The following NAALADL2 variants were observed in gnomAD, a reference collection of about 807,000 sequenced individuals.
NAALADL2 encodes the protein N-acetylated alpha-linked acidic dipeptidase like 2, also known as inactive N-acetylated-alpha-linked acidic dipeptidase-like protein 2.
NAALADL2 carries 76 observed loss-of-function variants against 87.2 expected under a neutral mutation model. The observed-to-expected ratio is 0.87, with a 90% CI of 0.72 to 1.05. The LOEUF (loss-of-function observed/expected upper bound fraction) is 1.05. NAALADL2 is among the 50% of genes least tolerant of loss of function. The pLI is 0.00. For synonymous variants in NAALADL2, 354 were observed against 331.0 expected (o/e 1.07, Z -0.75); for missense variants, 1,089 against 945.8 (o/e 1.15, Z -1.99).
At position 174,632,920 on chromosome 3, in the gene NAALADL2, C is replaced by A. The variant is rs192872149; in HGVS notation, c.-115+82283C>A. Among the ~76,000 whole-genome samples the A allele has an allele frequency of 9.1e-3, 893 of 98,044 alleles. 12 individuals are homozygous for A. The highest frequency in any genetic ancestry group is 0.035 in the African/African-American group (845 of 24,030). The allele number at this position is 98,044 out of a possible 152,430, so 64.3% of individuals were successfully genotyped here. On this transcript the variant is annotated intron_variant, in intron 2 of 3. Transcript: ENST00000434257. ...AGTGCACTCCAGCCTGGAGACAGAG[C>A]AAGACTCTGTCTCAAAAAAAAAAAA...
intron 11 of NAALADL2, among the ~76,000 whole-genome samples, chr3:175,667,249 G>GAA (rs1177307910): frequency 2.9e-5 from 4 of 136,496 alleles, no homozygotes; most frequent in Non-Finnish European, 4.6e-5. Context: ...GAAAAAGAAA[G>GAA]AAAGAAAGAA....
chr3:175,236,390 A>G (rs181421594), intron 3 of NAALADL2, among the ~76,000 whole-genome samples: 27 of 152,068 alleles, frequency 1.8e-4, no homozygotes, highest in Admixed American at 6.5e-4. Context: ...TACTAAAAAA[A>G]TACAAAAAAT....
chr3:175,058,598 G>C (rs1236624605), intron 1 of NAALADL2, among the ~76,000 whole-genome samples: 7 of 152,134 alleles, frequency 4.6e-5, no homozygotes, highest in Non-Finnish European at 1.0e-4. Flanking sequence ...ATCAACACTT[G>C]GTGGAGGCAG....
chr3:175,356,311 G>A (rs1764355344), intron 5 of NAALADL2, among the ~76,000 whole-genome samples: 1 of 152,064 alleles, frequency 6.6e-6, no homozygotes, highest in Non-Finnish European at 1.5e-5. Flanking sequence ...CACCGGGCAA[G>A]GTGGCTCATA....
intron 1 of NAALADL2, among the ~76,000 whole-genome samples, chr3:174,939,573 C>T (rs538286333): frequency 6.6e-6 from 1 of 152,052 alleles, no homozygotes; most frequent in East Asian, 1.9e-4. Context: ...ATAGAAATAG[C>T]TTTCAATCTG....
chr3:175,147,796 G>A lies in NAALADL2; in HGVS notation c.545+50505G>A, dbSNP rs188430422. On this transcript the variant is annotated intron_variant, in intron 2 of 13. Transcript: ENST00000454872. ...TAATAATACCCATTTTCGGCCAGGC[G>A]TGTTGGCTCACGCCTGTAATCCCAG... 1.8e-4 allele frequency among the ~76,000 whole-genome samples: 27 copies of A among 152,118 alleles called. No homozygotes were observed. In the East Asian group the frequency reaches 2.3e-3, roughly 13 times the overall value.
At chr3:175,181,264 T>C (rs760695880) in intron 2 of NAALADL2, among the ~76,000 whole-genome samples, 2 of 152,080 alleles carry the variant, frequency 1.3e-5, no homozygotes, top group African/African-American at 2.4e-5. Flanking sequence ...CCCTTGATTC[T>C]TTTTTAAATT....
In NAALADL2 at chr3:175,734,290, C is replaced by T. The variant is rs560430131; in HGVS notation, c.1897-3016C>T. 2.8e-3 allele frequency among the ~76,000 whole-genome samples: 428 copies of T among 152,198 alleles called. 1 individual carries two copies. The highest frequency in any genetic ancestry group is 9.6e-3 in the African/African-American group (398 of 41,534). ...CAGAGGTGGGCTGGGCGCGGTGGCT[C>T]ACACCTGTAATCCCAGCACTTTGGG... On this transcript the variant is annotated intron_variant, in intron 11 of 13. Transcript: ENST00000454872.
At chr3:174,817,693 C>T (rs1365494446) in intron 3 of NAALADL2, among the ~76,000 whole-genome samples, 1 of 151,992 alleles carries the variant, frequency 6.6e-6, no homozygotes, top group Non-Finnish European at 1.5e-5. Flanking sequence ...CAAATGCTTT[C>T]CAAAAGAGGA....
chr3:175,432,535 G>A (rs113469829), intron 5 of NAALADL2, among the ~76,000 whole-genome samples: 12 of 151,992 alleles, frequency 7.9e-5, no homozygotes, highest in African/African-American at 1.9e-4. Context: ...AGTCATCTCC[G>A]GTTAACCTTG....
chr3:175,526,532 G>A (rs767701118), intron 9 of NAALADL2, among the ~76,000 whole-genome samples: 4 of 151,838 alleles, frequency 2.6e-5, no homozygotes, highest in Non-Finnish European at 5.9e-5. Context: ...TCTTTCTATA[G>A]TATCTGTAGG....
intron 10 of NAALADL2, among the ~76,000 whole-genome samples, chr3:175,591,239 C>T (rs1721409593): frequency 6.6e-6 from 1 of 151,974 alleles, no homozygotes; most frequent in South Asian, 2.1e-4. Flanking sequence ...CCTGTGTTTT[C>T]ATATATAAAG....
chr3:175,013,278 C>CATATATAT (rs1174600904), intron 1 of NAALADL2, among the ~76,000 whole-genome samples: 1 of 73,760 alleles, frequency 1.4e-5, no homozygotes, highest in Non-Finnish European at 2.2e-5. Flanking sequence ...TATATATATA[C>CATATATAT]ATATATATAT....
rs892765302 is a variant in NAALADL2, at chr3:174,865,811, A to G, written c.43+6361A>G. 2.0e-5 allele frequency among the ~76,000 whole-genome samples: 3 copies of G among 151,970 alleles called. No individual in the cohort carries two copies. In the East Asian group the frequency reaches 5.8e-4, roughly 29 times the overall value. The stretch of plus-strand genomic sequence containing the variant: ...AGTGACCAGAAGGAAAAAAGCCTTC[A>G]CTGGTCAAAAGAACAGCTGAGAGAA... On this transcript the variant is annotated intron_variant, in intron 1 of 13. Coordinates refer to ENST00000454872, the MANE Select transcript of NAALADL2 (RefSeq NM_207015.3).
chr3:175,003,873 G>T lies in NAALADL2; in HGVS notation c.44-92917G>T, dbSNP rs370707870. 1.2e-4 allele frequency among the ~76,000 whole-genome samples: 19 copies of T among 152,298 alleles called. No individual in the cohort carries two copies. The East Asian group carries it at 3.7e-3, about 29-fold the overall frequency. Reference sequence around the variant, plus strand: ...ACTAGAGCAGTGTGCATTCACAACAGAACAAGCCATCTGTCAGCTTATAAA... The same window carrying T: ...ACTAGAGCAGTGTGCATTCACAACATAACAAGCCATCTGTCAGCTTATAAA... On this transcript the variant is annotated intron_variant, in intron 1 of 13. Transcript: ENST00000454872.
chr3:175,773,094 G>T (rs544420716), intron 13 of NAALADL2: 1 of 152,200 alleles, frequency 6.6e-6, no homozygotes, highest in Non-Finnish European at 1.5e-5. Flanking sequence ...CAGTCTTCAG[G>T]AGATGGTAAT....
intron 2 of NAALADL2, among the ~76,000 whole-genome samples, chr3:175,187,775 C>T (rs529724879): frequency 3.8e-4 from 58 of 152,080 alleles, no homozygotes; most frequent in Non-Finnish European, 7.3e-4. Context: ...CATTGGCTGC[C>T]TCCCATATTA....
intron 2 of NAALADL2, among the ~76,000 whole-genome samples, chr3:174,558,509 A>G (rs1324647712): frequency 6.6e-6 from 1 of 152,146 alleles, no homozygotes; most frequent in Non-Finnish European, 1.5e-5. Context: ...GATGGGAGAC[A>G]ATGACAGATT....
chr3:174,895,623 C>T (rs569327236), intron 1 of NAALADL2, among the ~76,000 whole-genome samples: 45 of 152,266 alleles, frequency 3.0e-4, no homozygotes, highest in Middle Eastern at 3.4e-3. Context: ...AACACCAATC[C>T]TACTCAAACT....
Sources: allele counts gnomAD v4.1 joint callset (sites outside exome capture counted in the v4.1 genomes callset), GRCh38; gene constraint gnomAD v4.1.1; transcripts MANE v1.5; gene names NCBI Gene and HGNC (gene_info 2026-07-23, HGNC 2026-07-21).